The following EEF1B2 variants were observed in gnomAD, a reference collection of about 807,000 sequenced individuals.
The protein encoded by EEF1B2 is elongation factor 1-beta.
In EEF1B2, 12 loss-of-function variants were observed where a neutral mutation model predicts 28.3. That is an observed-to-expected ratio of 0.42 (90% confidence interval 0.27 to 0.69). The LOEUF (loss-of-function observed/expected upper bound fraction) is 0.69. Among genes scored for constraint, EEF1B2 ranks in the 30% least tolerant of loss-of-function variants. The pLI, the probability that EEF1B2 is intolerant of heterozygous loss-of-function variation, is 0.22. For synonymous variants in EEF1B2, 83 were observed against 99.9 expected (o/e 0.83, Z 1.01); for missense variants, 234 against 272.6 (o/e 0.86, Z 1.00).
At position 206,162,545 on chromosome 2, in the gene EEF1B2, G is replaced by A; in HGVS notation, c.454G>A (p.Glu152Lys). 4.3e-6 allele frequency: 7 copies of A among 1,613,382 alleles called. No homozygotes were observed. Among genetic ancestry groups the A allele is most frequent in the Non-Finnish European group, 5.9e-6 (7 of 1,180,040 alleles). The change falls in exon 5 of 6, where the codon GAG becomes AAG. Residue 152 changes from glutamate (E) to lysine (K), a missense_variant. By Grantham distance (56) the Glu-to-Lys change is moderately conservative. Around this residue, in one of 2 missense-constraint regions of EEF1B2, gnomAD observed 56 missense variants for 99.3 expected, o/e 0.56. Coordinates refer to ENST00000392222, the MANE Select transcript of EEF1B2 (RefSeq NM_001959.4). ...ACTAGATGTGAAACCTTGGGATGAT[G>A]AGACAGATATGGCGAAATTAGAGGA... ...ILLDVKPWDD[E>K]TDMAKLEECV...
At position 206,160,426 on chromosome 2, in the gene EEF1B2, CAT is replaced by C. The variant is rs933702512; in HGVS notation, c.81-159_81-158del. The C allele has an allele frequency of 4.4e-5, 57 of 1,308,450 alleles. No individual in the cohort carries two copies. The African/African-American group carries it at 5.9e-4, about 14-fold the overall frequency. 81.1% of individuals were successfully genotyped at this position (1,308,450 alleles called of 1,614,324 possible). On this transcript the variant is annotated intron_variant, in intron 1 of 5. Coordinates refer to ENST00000392222, the MANE Select transcript of EEF1B2 (RefSeq NM_001959.4). ...TCTCAGGATAGCGCGGTGACCCAAA[CAT>C]ATGGTTTGATTTGAAGGAGCTAATA...
intron 1 of EEF1B2, among the ~76,000 whole-genome samples, chr2:206,160,324 C>T (rs1255578469): frequency 1.3e-5 from 2 of 152,152 alleles, no homozygotes; most frequent in African/African-American, 2.4e-5. Context: ...CATCGCTGCC[C>T]AGTTAATACA....
At position 206,159,902 on chromosome 2, in the gene EEF1B2, C is replaced by G; in HGVS notation, c.-78C>G. 1.3e-6 allele frequency: 2 copies of G among 1,527,188 alleles called. No individual in the cohort carries two copies. Among genetic ancestry groups the G allele is most frequent in the Admixed American group, 4.0e-5 (2 of 49,404 alleles). 94.6% of individuals were successfully genotyped at this position (1,527,188 alleles called of 1,614,324 possible). A position where few individuals can be genotyped will look rare whatever the true frequency, so the allele number is the denominator to read the frequency against. On this transcript the variant is annotated 5_prime_UTR_variant, in exon 1 of 6. Transcript: ENST00000392222. ...TTTCCGGTCTCTTCGGGTCCTTTTTCCTCTCTTCAGCGTGGGGCGCCCACA... is the reference window on the plus strand; with the variant it reads ...TTTCCGGTCTCTTCGGGTCCTTTTTGCTCTCTTCAGCGTGGGGCGCCCACA...
Position 206,161,396 on chromosome 2 carries a change from A to G in EEF1B2, c.254A>G (p.Glu85Gly), listed in dbSNP as rs777092875. 1.2e-6 allele frequency: 2 copies of G among 1,614,148 alleles called. No individual in the cohort carries two copies. The highest frequency in any genetic ancestry group is 3.3e-5 in the Admixed American group (2 of 60,014). The change falls in exon 3 of 6, where the codon GAA becomes GGA. Residue 85 changes from glutamate to glycine, a missense_variant. Transcript: ENST00000392222. ...GGCAAATATGGTCCTGCCGATGTGG[A>G]AGACACTACAGGAAGTGGAGCTACA... is the stretch of plus-strand genomic sequence containing the variant. ...ALGKYGPADV[E>G]DTTGSGATDS...
chr2:206,160,682 A>G lies in EEF1B2; in HGVS notation c.175A>G (p.Ile59Val). Residue 59 changes from isoleucine (I) to valine (V), a missense_variant, in exon 2 of 6, where the codon ATC (isoleucine) becomes GTC (valine). Coordinates refer to ENST00000392222, the MANE Select transcript of EEF1B2 (RefSeq NM_001959.4). Reference protein sequence around the residue: ...LCHALRWYNHIKSYEKEKASL... With the variant: ...LCHALRWYNHVKSYEKEKASL... ...TCATGCCCTACGTTGGTATAATCAC[A>G]TCAAGTCTTACGAAAAGGAAAAGGC... 1 of 1,614,112 alleles carries G rather than the reference A, an allele frequency of 6.2e-7. No individual in the cohort carries two copies. Among genetic ancestry groups the G allele is most frequent in the Non-Finnish European group, 8.5e-7 (1 of 1,180,030 alleles).
chr2:206,160,500 A>G (rs909485870), intron 1 of EEF1B2, 88 bp from the exon 2 acceptor site: 2 of 1,601,110 alleles, frequency 1.2e-6, no homozygotes, highest in African/African-American at 1.3e-5. Context: ...AGTGCCCACT[A>G]ATTAATGTGA....
At chr2:206,159,723 C>T (rs1252831188), upstream of EEF1B2, 2 of 392,386 alleles carry the variant, frequency 5.1e-6, no homozygotes, top group South Asian at 1.1e-4. Flanking sequence ...TAATTTACTT[C>T]CAAACGCAAC....
intron 2 of EEF1B2, chr2:206,161,128 T>C: frequency 3.3e-6 from 2 of 607,090 alleles, no homozygotes; most frequent in Non-Finnish European, 5.7e-6. Flanking sequence ...AAAGAGTAAA[T>C]CATAGTGAGT....
Position 206,161,459 on chromosome 2 carries a change from C to G in EEF1B2, c.317C>G (p.Ser106Cys). Residue 106 changes from serine (S) to cysteine (C), a missense_variant, in exon 3 of 6, where the codon TCT becomes TGT. Coordinates refer to ENST00000392222, the MANE Select transcript of EEF1B2 (RefSeq NM_001959.4). The part of the protein sequence containing the change: ...KDDDDIDLFG[S>C]DDEEESEEAK... ...GATGATGACATTGACCTCTTTGGAT[C>G]TGATGATGAGGAGGTATGGCGTCTT... 6.2e-7 allele frequency: 1 copy of G among 1,613,736 alleles called. No individual in the cohort carries two copies. Among genetic ancestry groups the G allele is most frequent in the Non-Finnish European group, 8.5e-7 (1 of 1,179,812 alleles).
intron 4 of EEF1B2, 148 bp downstream of exon 4, chr2:206,162,252 G>T (rs1478517846): frequency 1.9e-6 from 2 of 1,069,228 alleles, no homozygotes; most frequent in South Asian, 2.5e-5. Flanking sequence ...GTCTGCAGCT[G>T]TTCTTATGGT....
rs1341266471 is a variant in EEF1B2, at chr2:206,162,900, T to G, written c.*17T>G. 1 of 1,589,742 alleles carries G rather than the reference T, an allele frequency of 6.3e-7. No individual in the cohort carries two copies. Among genetic ancestry groups the G allele is most frequent in the Non-Finnish European group, 8.5e-7 (1 of 1,175,986 alleles). ...AAGATCTAAAATCCATCCTGGATCA[T>G]GGCATTTAAATAAAAGATTGAAAGA... On this transcript the variant is annotated 3_prime_UTR_variant, in exon 6 of 6. Coordinates refer to ENST00000392222, the MANE Select transcript of EEF1B2 (RefSeq NM_001959.4).
intron 4 of EEF1B2, 138 bp from the exon 5 acceptor site, chr2:206,162,351 C>T: frequency 2.8e-6 from 4 of 1,409,548 alleles, no homozygotes; most frequent in Non-Finnish European, 4.0e-6. Flanking sequence ...ATATGTGTGA[C>T]AGACACAAGA....
chr2:206,161,479 C>G lies in EEF1B2; in HGVS notation c.330+7C>G. On this transcript the variant is annotated splice_region_variant and intron_variant, in intron 3 of 5. Transcript: ENST00000392222. ...TGGATCTGATGATGAGGAGGTATGG[C>G]GTCTTCTATAAAGAACATATCGGCC... 6.2e-7 allele frequency: 1 copy of G among 1,613,358 alleles called. No individual in the cohort carries two copies. Among genetic ancestry groups the G allele is most frequent in the East Asian group, 2.2e-5 (1 of 44,856 alleles).
upstream of EEF1B2, chr2:206,159,688 C>T: frequency 3.5e-6 from 1 of 289,764 alleles, no homozygotes; most frequent in Admixed American, 4.8e-5. Context: ...CGTGGAGGTA[C>T]GAACTTAAGA....
intron 4 of EEF1B2, 155 bp downstream of exon 4, chr2:206,162,259 T>C (rs369521473): frequency 1.2e-5 from 13 of 1,064,388 alleles, no homozygotes; most frequent in East Asian, 4.7e-5. Flanking sequence ...GCTGTTCTTA[T>C]GGTAGCAGTT....
chr2:206,160,166 G>A, intron 1 of EEF1B2, 107 bp downstream of exon 1: 1 of 765,528 alleles, frequency 1.3e-6, no homozygotes, highest in African/African-American at 2.0e-5. Context: ...GGCCGGGCCC[G>A]GGGCCCTTTC....
At chr2:206,159,889 T>C, upstream of EEF1B2, 3 of 1,464,384 alleles carry the variant, frequency 2.0e-6, no homozygotes, top group Admixed American at 2.1e-5. Context: ...TCCGGTCTCT[T>C]CGGGTCCTTT....
upstream of EEF1B2, chr2:206,159,746 G>T (rs1687841510): frequency 6.1e-6 from 3 of 493,606 alleles, no homozygotes; most frequent in South Asian, 9.1e-5. Context: ...AAGGTCCATG[G>T]ACAATTTGTG....
intron 1 of EEF1B2, 128 bp from the exon 2 acceptor site, chr2:206,160,460 G>T (rs1010111959): frequency 2.0e-6 from 3 of 1,505,736 alleles, no homozygotes; most frequent in African/African-American, 1.4e-5. Flanking sequence ...AATAAGAAAA[G>T]AAAAGCATTA....
Sources: gnomAD v4.1 joint callset for allele counts (sites outside exome capture counted in the v4.1 genomes callset) on GRCh38, gnomAD v4.1.1 for gene constraint, gnomAD v4.1.1 regional missense constraint, MANE v1.5 for transcripts, NCBI Gene and HGNC (gene_info 2026-07-23, HGNC 2026-07-21) for gene names.